The following MEP1A variants were observed in gnomAD, a reference collection of about 807,000 sequenced individuals.
The protein encoded by MEP1A is meprin A subunit alpha.
Under a neutral mutation model 84.5 loss-of-function variants are expected in MEP1A, and 68 were observed. The observed-to-expected ratio is 0.80, with a 90% CI of 0.66 to 0.98. MEP1A has a LOEUF of 0.98. MEP1A is among the 50% of genes least tolerant of loss of function. The probability of loss-of-function intolerance (pLI) is 0.00; values close to 1 mark genes in which losing one functional copy is unlikely to be tolerated. For missense variants in MEP1A, 887 were observed against 919.9 expected (o/e 0.96, Z 0.46); for synonymous variants, 337 against 336.8 (o/e 1.00, Z -0.01).
chr6:46,813,264 C>T (rs531197117), intron 6 of MEP1A, among the ~76,000 whole-genome samples: 3 of 152,090 alleles, frequency 2.0e-5, no homozygotes, highest in African/African-American at 7.2e-5. Flanking sequence ...AATTAAATAA[C>T]CTGCTGCTGA....
chr6:46,802,862 G>A lies in MEP1A; in HGVS notation c.262+3681G>A, dbSNP rs1249126143. Among the ~76,000 whole-genome samples, 5 of 151,838 alleles carry A rather than the reference G, an allele frequency of 3.3e-5. No homozygotes were observed. In the East Asian group the frequency reaches 9.7e-4, roughly 29 times the overall value. On this transcript the variant is annotated intron_variant, in intron 5 of 13. Transcript: ENST00000230588. ...TGCTAAATCAACTTTGCATTTCTCA[G>A]ATGAGCCCTACTTGGTTATGATGTA...
intron 7 of MEP1A, among the ~76,000 whole-genome samples, chr6:46,824,900 T>TTTAA: frequency 8.2e-6 from 1 of 122,344 alleles, no homozygotes; most frequent in African/African-American, 3.3e-5. Flanking sequence ...AAATTATATA[T>TTTAA]ATAAATTATA....
chr6:46,807,553 A>G (rs1324680064), intron 5 of MEP1A, among the ~76,000 whole-genome samples: 1 of 63,276 alleles, frequency 1.6e-5, no homozygotes, highest in African/African-American at 8.6e-5. Flanking sequence ...AGAAAGAAAG[A>G]AAGAAAGAAA....
chr6:46,829,006 CTAATT>C (rs1221185182), intron 9 of MEP1A, among the ~76,000 whole-genome samples: 1 of 152,164 alleles, frequency 6.6e-6, no homozygotes, highest in African/African-American at 2.4e-5. Context: ...GAATGAATCT[CTAATT>C]TAAAGAATGA....
chr6:46,817,912 C>A (rs1039954766), intron 6 of MEP1A, among the ~76,000 whole-genome samples: 1 of 152,200 alleles, frequency 6.6e-6, no homozygotes, highest in East Asian at 1.9e-4. Flanking sequence ...CAAAGTGCCC[C>A]TAAGCCCTTC....
chr6:46,796,042 T>C (rs1214845998), intron 3 of MEP1A, among the ~76,000 whole-genome samples: 1 of 152,150 alleles, frequency 6.6e-6, no homozygotes, highest in Non-Finnish European at 1.5e-5. Context: ...CCCTTCCTAC[T>C]TGAGCTTTCC....
At chr6:46,798,038 G>A (rs1464735342) in intron 3 of MEP1A, among the ~76,000 whole-genome samples, 12 of 151,266 alleles carry the variant, frequency 7.9e-5, no homozygotes. Context: ...CATGATCTTG[G>A]CTCACTGTAA....
intron 6 of MEP1A, among the ~76,000 whole-genome samples, chr6:46,812,460 G>A (rs1009061525): frequency 7.3e-5 from 11 of 151,070 alleles, no homozygotes; most frequent in African/African-American, 2.4e-4. Context: ...TTTTTATTCC[G>A]TTTCATTTAG....
chr6:46,836,932 C>T (rs1288780213), intron 13 of MEP1A, among the ~76,000 whole-genome samples: 1 of 152,076 alleles, frequency 6.6e-6, no homozygotes, highest in African/African-American at 2.4e-5. Context: ...CATGTCATTA[C>T]TGGTGATGTC....
chr6:46,797,907 CTTCCTTCCTTCCTTCCTTCCTTCT>C (rs1334063077), intron 3 of MEP1A, among the ~76,000 whole-genome samples: 12 of 51,328 alleles, frequency 2.3e-4, no homozygotes, highest in Non-Finnish European at 4.1e-4. Flanking sequence ...TCCTTCCTTC[CTTCCTTCCTTCCTTCCTTCCTTCT>C]TTCCTTCCTT....
chr6:46,813,600 C>T (rs1237998830), intron 6 of MEP1A, among the ~76,000 whole-genome samples: 2 of 151,840 alleles, frequency 1.3e-5, no homozygotes, highest in African/African-American at 4.8e-5. Flanking sequence ...CAATTTGTTG[C>T]TTGAATATCT....
At position 46,829,591 on chromosome 6, in the gene MEP1A, C is replaced by G. The variant is rs766760840; in HGVS notation, c.1144+20C>G. 6.3e-7 allele frequency: 1 copy of G among 1,580,840 alleles called. No homozygotes were observed. The highest frequency in any genetic ancestry group is 1.3e-5 in the African/African-American group (1 of 74,176). On this transcript the variant is annotated intron_variant, in intron 10 of 13. Coordinates refer to ENST00000230588, the MANE Select transcript of MEP1A (RefSeq NM_005588.3). ...TTCAAGGTACTTAGAGGCATTCACA[C>G]GAGGAATGGATTGGGTTAAAATCCG...
chr6:46,818,718 C>A (rs566008364), intron 6 of MEP1A, among the ~76,000 whole-genome samples: 1 of 152,232 alleles, frequency 6.6e-6, no homozygotes, highest in South Asian at 2.1e-4. Flanking sequence ...TGTCATAACA[C>A]TGTAGATCTG....
At chr6:46,809,382 C>A in intron 5 of MEP1A, 38 bp from the exon 6 acceptor site, 1 of 1,297,912 alleles carries the variant, frequency 7.7e-7, no homozygotes, top group Non-Finnish European at 1.1e-6. Context: ...ATCTAAGGTC[C>A]AAATAATGCT....
chr6:46,843,494 T>C (rs1278786933), downstream of MEP1A, among the ~76,000 whole-genome samples: 6 of 152,260 alleles, frequency 3.9e-5, no homozygotes, highest in African/African-American at 1.4e-4. Context: ...TTTATACTAA[T>C]AACAAACCCT....
chr6:46,793,525 C>T, intron 1 of MEP1A, 27 bp from the exon 2 acceptor site: 1 of 1,567,780 alleles, frequency 6.4e-7, no homozygotes, highest in African/African-American at 1.4e-5. Context: ...ATACATTATC[C>T]ATTTTCTGTA....
chr6:46,829,872 C>T (rs1392378040), intron 10 of MEP1A, among the ~76,000 whole-genome samples: 2 of 152,046 alleles, frequency 1.3e-5, no homozygotes, highest in Admixed American at 6.6e-5. Flanking sequence ...TTAGAGAAAG[C>T]AAAGGCCAAG....
chr6:46,801,241 A>T (rs755241267), intron 5 of MEP1A, among the ~76,000 whole-genome samples: 8 of 152,142 alleles, frequency 5.3e-5, no homozygotes, highest in Admixed American at 6.6e-5. Flanking sequence ...CCTCCTGAAA[A>T]TATATGAGTG....
intron 5 of MEP1A, among the ~76,000 whole-genome samples, chr6:46,802,817 G>A (rs1258623773): frequency 6.6e-6 from 1 of 151,650 alleles, no homozygotes; most frequent in East Asian, 1.9e-4. Context: ...GTGTAATATG[G>A]TAATAACATC....
Sources: allele counts gnomAD v4.1 joint callset (sites outside exome capture counted in the v4.1 genomes callset), GRCh38; gene constraint gnomAD v4.1.1; transcripts MANE v1.5; gene names NCBI Gene and HGNC (gene_info 2026-07-23, HGNC 2026-07-21).